EYS: variants seen among roughly 807,000 people sequenced by gnomAD.
EYS encodes the protein protein eyes shut homolog.
A neutral mutation model predicts 282.1 loss-of-function variants in EYS; 250 were observed. The observed-to-expected ratio is 0.89, with a 90% CI of 0.80 to 0.98. The LOEUF (loss-of-function observed/expected upper bound fraction) is 0.98, where lower values mean the gene tolerates loss of function less well. Ranked by LOEUF, EYS falls within the 50% of genes least tolerant of loss-of-function variation. The pLI is 0.00. For missense variants in EYS, 4,016 were observed against 3,709.0 expected, an observed-to-expected ratio of 1.08 and a Z score of -2.15; for synonymous variants, 1,355 against 1,282.9, an observed-to-expected ratio of 1.06 and a Z score of -1.20.
chr6:65,154,129 C>T lies in EYS; in HGVS notation c.2024-96402G>A, dbSNP rs1332636114. ...AAAAGAGGGCTCAAGTCTTTTGAAC[C>T]TCACAGTGCCAACTCCTACCACATA... On this transcript the variant is annotated intron_variant, in intron 12 of 42. Coordinates refer to ENST00000503581, the MANE Select transcript of EYS (RefSeq NM_001142800.2). Among the ~76,000 whole-genome samples, 4 of 151,760 alleles carry T rather than the reference C, an allele frequency of 2.6e-5. No individual in the cohort carries two copies. The Admixed American group carries it at 2.6e-4, about 10-fold the overall frequency.
At chr6:65,306,016 C>T (rs1360104897) in intron 11 of EYS, among the ~76,000 whole-genome samples, 2 of 151,808 alleles carry the variant, frequency 1.3e-5, no homozygotes, top group Non-Finnish European at 2.9e-5. Flanking sequence ...GTTTTCTTTT[C>T]TTGATGTTGG....
intron 26 of EYS, among the ~76,000 whole-genome samples, chr6:64,506,902 G>T: frequency 1.7e-5 from 1 of 59,738 alleles, no homozygotes. Flanking sequence ...AAGCGAGGCT[G>T]TGTCTTAAAA....
intron 14 of EYS, among the ~76,000 whole-genome samples, chr6:64,948,432 A>G (rs191052525): frequency 0.015 from 2,188 of 147,830 alleles, 22 homozygotes; most frequent in Middle Eastern, 0.032. Flanking sequence ...AATAGTATTA[A>G]ATAATATTAA....
chr6:64,478,516 T>C (rs1454840325), intron 26 of EYS, among the ~76,000 whole-genome samples: 1 of 151,528 alleles, frequency 6.6e-6, no homozygotes, highest in Non-Finnish European at 1.5e-5. Context: ...TAATATTAAA[T>C]GATCCATTTG....
intron 36 of EYS, among the ~76,000 whole-genome samples, chr6:63,863,015 T>G (rs761787494): frequency 2.0e-5 from 3 of 152,222 alleles, no homozygotes; most frequent in Non-Finnish European, 4.4e-5. Flanking sequence ...ACCTGCCACA[T>G]CAGGATGTGG....
intron 33 of EYS, among the ~76,000 whole-genome samples, chr6:64,020,050 C>T (rs1031251491): frequency 6.6e-6 from 1 of 152,038 alleles, no homozygotes; most frequent in Admixed American, 6.6e-5. Context: ...ATAAAATCAA[C>T]ATAACTCTAT....
chr6:65,675,783 C>A (rs574634314), intron 1 of EYS, among the ~76,000 whole-genome samples: 1 of 151,968 alleles, frequency 6.6e-6, no homozygotes, highest in South Asian at 2.1e-4. Context: ...CTACACAAAA[C>A]CAGTAGAATA....
intron 5 of EYS, among the ~76,000 whole-genome samples, chr6:65,475,311 A>G (rs11963614): frequency 0.082 from 12,481 of 152,196 alleles, 1,478 homozygotes; most frequent in African/African-American, 0.26. Flanking sequence ...TAGGTGAGAT[A>G]AAAGAGCTAC....
At chr6:63,808,796 T>C (rs1770968891) in intron 36 of EYS, among the ~76,000 whole-genome samples, 1 of 152,198 alleles carries the variant, frequency 6.6e-6, no homozygotes, top group African/African-American at 2.4e-5. Context: ...ATTTGAATTG[T>C]GGTTAGGCCT....
intron 14 of EYS, among the ~76,000 whole-genome samples, chr6:64,947,038 T>C (rs1276735680): frequency 6.6e-6 from 1 of 151,868 alleles, no homozygotes; most frequent in Admixed American, 6.6e-5. Flanking sequence ...AAGAAGTCTA[T>C]ATACTTATAA....
At chr6:64,449,239 T>G (rs1449951014) in intron 26 of EYS, among the ~76,000 whole-genome samples, 4 of 151,730 alleles carry the variant, frequency 2.6e-5, no homozygotes, top group African/African-American at 9.7e-5. Context: ...TGCAATCAAC[T>G]GGAAGAAAGG....
chr6:64,404,850 A>G (rs981870139), intron 28 of EYS, among the ~76,000 whole-genome samples: 3 of 152,202 alleles, frequency 2.0e-5, no homozygotes, highest in Admixed American at 1.3e-4. Context: ...GGCAGAACGT[A>G]AGAAGGCATG....
intron 36 of EYS, among the ~76,000 whole-genome samples, chr6:63,862,100 G>A (rs1472089115): frequency 6.6e-6 from 1 of 151,694 alleles, no homozygotes; most frequent in East Asian, 1.9e-4. Context: ...TATTCTTTAG[G>A]CCTCAGTACA....
At chr6:65,182,243 C>A (rs1215207635) in intron 12 of EYS, among the ~76,000 whole-genome samples, 1 of 150,158 alleles carries the variant, frequency 6.7e-6, no homozygotes, top group Non-Finnish European at 1.5e-5. Context: ...AAAACAAATC[C>A]AACTTTAAAT....
chr6:63,885,164 G>A (rs1490442963), intron 35 of EYS, among the ~76,000 whole-genome samples: 1 of 152,052 alleles, frequency 6.6e-6, no homozygotes. Context: ...GAGTGCACTG[G>A]TAATGCTCAT....
chr6:65,526,609 T>A (rs949884114), intron 2 of EYS, among the ~76,000 whole-genome samples: 3 of 151,996 alleles, frequency 2.0e-5, no homozygotes, highest in Non-Finnish European at 4.4e-5. Context: ...ATTGAGACCA[T>A]CTTGGCTAAC....
chr6:64,556,563 T>C (rs998786159), intron 26 of EYS, among the ~76,000 whole-genome samples: 8 of 152,006 alleles, frequency 5.3e-5, no homozygotes, highest in Non-Finnish European at 1.2e-4. Context: ...ATGTAAACTA[T>C]ACATCTATCT....
chr6:64,776,871 GATGTT>G (rs58507132), intron 22 of EYS, among the ~76,000 whole-genome samples: 3,135 of 152,144 alleles, frequency 0.021, 119 homozygotes, highest in African/African-American at 0.072. Flanking sequence ...CTAGATTTCT[GATGTT>G]ATGTTAGTTT....
At chr6:64,057,947 G>A (rs1049846596) in intron 33 of EYS, among the ~76,000 whole-genome samples, 5 of 151,960 alleles carry the variant, frequency 3.3e-5, no homozygotes, top group African/African-American at 9.7e-5. Context: ...TCCTCCCACT[G>A]CAGTCTCCAA....
Sources: gnomAD v4.1 joint callset for allele counts (sites outside exome capture counted in the v4.1 genomes callset) on GRCh38, gnomAD v4.1.1 for gene constraint, MANE v1.5 for transcripts, NCBI Gene and HGNC (gene_info 2026-07-23, HGNC 2026-07-21) for gene names.